The following TRDMT1 variants were observed in gnomAD, a reference collection of about 807,000 sequenced individuals.
The protein encoded by TRDMT1 is tRNA (cytosine(38)-C(5))-methyltransferase.
A neutral mutation model predicts 51.2 loss-of-function variants in TRDMT1; 49 were observed. The observed-to-expected ratio is 0.96, with a 90% CI of 0.76 to 1.21. The LOEUF (loss-of-function observed/expected upper bound fraction) is 1.21, where lower values mean the gene tolerates loss of function less well. TRDMT1 is among the 50% of genes most tolerant of loss of function. TRDMT1 has a pLI of 0.00. For missense variants in TRDMT1, 534 were observed against 462.3 expected (o/e 1.16, Z -1.42); for synonymous variants, 187 against 164.6 (o/e 1.14, Z -1.04).
chr10:17,193,594 T>A (rs571805908), intron 1 of TRDMT1, among the ~76,000 whole-genome samples: 25 of 152,116 alleles, frequency 1.6e-4, no homozygotes, highest in African/African-American at 4.8e-4. Flanking sequence ...TAGGAATACA[T>A]CTAACCAAGG....
At chr10:17,162,331 G>A in intron 3 of TRDMT1, 94 bp from the exon 4 acceptor site, 3 of 1,217,920 alleles carry the variant, frequency 2.5e-6, no homozygotes, top group South Asian at 2.8e-5. Context: ...TAAGTCAAAA[G>A]GAGAATAAAA....
At chr10:17,184,912 T>C (rs1256837196) in intron 1 of TRDMT1, among the ~76,000 whole-genome samples, 1 of 152,214 alleles carries the variant, frequency 6.6e-6, no homozygotes, top group Non-Finnish European at 1.5e-5. Flanking sequence ...GATGAAGATT[T>C]AGAATATGGA....
chr10:17,143,814 T>C lies in TRDMT1; in HGVS notation c.*5226A>G. 1.0e-6 allele frequency: 1 copy of C among 985,442 alleles called. No homozygotes were observed. The highest frequency in any genetic ancestry group is 1.2e-6 in the Non-Finnish European group (1 of 829,952). The allele number at this position is 985,442 out of a possible 1,614,324, so 61.0% of individuals were successfully genotyped here. Reference sequence around the variant, plus strand: ...TGAAGATGATCTTTGGTTATGAAGCTTGAACTTGGAAGATGTGGAGACTAA... The same window carrying C: ...TGAAGATGATCTTTGGTTATGAAGCCTGAACTTGGAAGATGTGGAGACTAA... On this transcript the variant is annotated 3_prime_UTR_variant, in exon 11 of 11. Transcript: ENST00000377799.
chr10:17,153,340 C>G, intron 10 of TRDMT1, 167 bp downstream of exon 10: 1 of 725,660 alleles, frequency 1.4e-6, no homozygotes, highest in Non-Finnish European at 2.2e-6. Flanking sequence ...CCGAATGAGG[C>G]AGTTATGAGG....
intron 1 of TRDMT1, among the ~76,000 whole-genome samples, chr10:17,196,183 G>A (rs1206766454): frequency 6.6e-6 from 1 of 152,212 alleles, no homozygotes; most frequent in Non-Finnish European, 1.5e-5. Context: ...GAGATGCTTA[G>A]CATTTTAAAA....
intron 7 of TRDMT1, among the ~76,000 whole-genome samples, chr10:17,158,015 G>C (rs1006762875): frequency 3.3e-5 from 5 of 152,046 alleles, no homozygotes; most frequent in Non-Finnish European, 7.4e-5. Flanking sequence ...AGTGTTTACA[G>C]TATTTATTAA....
chr10:17,170,930 G>T, intron 2 of TRDMT1, among the ~76,000 whole-genome samples: 1 of 151,242 alleles, frequency 6.6e-6, no homozygotes, highest in African/African-American at 2.4e-5. Flanking sequence ...GGTATTTTCC[G>T]GCATACTCAA....
rs1445786259 is a variant in TRDMT1, at chr10:17,148,538, A to T, written c.*502T>A. The T allele has an allele frequency of 1.0e-6, 1 of 984,798 alleles. No homozygotes were observed. Among genetic ancestry groups the T allele is most frequent in the African/African-American group, 1.7e-5 (1 of 57,208 alleles). The allele number at this position is 984,798 out of a possible 1,614,324, so 61.0% of individuals were successfully genotyped here. On this transcript the variant is annotated 3_prime_UTR_variant, in exon 11 of 11. Coordinates refer to ENST00000377799, the MANE Select transcript of TRDMT1 (RefSeq NM_004412.7). ...TCTGCTGTATAAACTGAATGATGAT[A>T]ATTTGGTTTACATATCATATGCATT...
chr10:17,181,484 C>T (rs554945368), intron 1 of TRDMT1, among the ~76,000 whole-genome samples: 16 of 152,254 alleles, frequency 1.1e-4, no homozygotes, highest in African/African-American at 3.4e-4. Context: ...GCTCAATAAA[C>T]GTCTATTAAT....
At chr10:17,184,484 T>G (rs572127036) in intron 1 of TRDMT1, among the ~76,000 whole-genome samples, 1 of 151,812 alleles carries the variant, frequency 6.6e-6, no homozygotes, top group Admixed American at 6.6e-5. Flanking sequence ...TCCCTAAAAT[T>G]AGCCTAAGAA....
In TRDMT1 at chr10:17,201,663, A is replaced by G; in HGVS notation, c.-29T>C. On this transcript the variant is annotated 5_prime_UTR_variant, in exon 1 of 11. Coordinates refer to ENST00000377799, the MANE Select transcript of TRDMT1 (RefSeq NM_004412.7). ...CGCGCCTCAGCCGCCGCAGCCCCGG[A>G]GCTAGGCCTGCCGGTCCGTCGCTCC... is the stretch of plus-strand genomic sequence containing the variant. The G allele has an allele frequency of 3.3e-6, 5 of 1,532,764 alleles. No homozygotes were observed. The highest frequency in any genetic ancestry group is 3.5e-6 in the Non-Finnish European group (4 of 1,139,810). The allele number at this position is 1,532,764 out of a possible 1,614,324, so 94.9% of individuals were successfully genotyped here.
chr10:17,169,597 T>C (rs2131487963), intron 2 of TRDMT1: 1 of 1,135,994 alleles, frequency 8.8e-7, no homozygotes, highest in East Asian at 5.8e-5. Flanking sequence ...CAACTCACAT[T>C]AAGCACTCTC....
At chr10:17,150,076 G>C (rs751089213) in intron 10 of TRDMT1, among the ~76,000 whole-genome samples, 2 of 152,076 alleles carry the variant, frequency 1.3e-5, no homozygotes, top group Non-Finnish European at 2.9e-5. Flanking sequence ...CAAAGCAGCT[G>C]CACCATTTCA....
At chr10:17,181,460 G>T (rs1024282040) in intron 1 of TRDMT1, among the ~76,000 whole-genome samples, 3 of 152,084 alleles carry the variant, frequency 2.0e-5, no homozygotes, top group Admixed American at 6.5e-5. Context: ...TGCAGTAATT[G>T]GCACAGAATA....
In TRDMT1 at chr10:17,145,468, T is replaced by A. The variant is rs1838027501; in HGVS notation, c.*3572A>T. The A allele has an allele frequency of 1.0e-6, 1 of 985,286 alleles. No homozygotes were observed. The highest frequency in any genetic ancestry group is 6.2e-5 in the Admixed American group (1 of 16,256). 61.0% of individuals were successfully genotyped at this position (985,286 alleles called of 1,614,324 possible). Reference sequence around the variant, plus strand: ...GGCCATGTCTTTAAAAATTATATAATCTCAATGCAATCACAGGCTACAAGA... The same window carrying A: ...GGCCATGTCTTTAAAAATTATATAAACTCAATGCAATCACAGGCTACAAGA... On this transcript the variant is annotated 3_prime_UTR_variant, in exon 11 of 11. Coordinates refer to ENST00000377799, the MANE Select transcript of TRDMT1 (RefSeq NM_004412.7).
rs112107543 is a variant in TRDMT1 at position 17,161,604 on chromosome 10, T to A, written c.324-56A>T. The A allele has an allele frequency of 1.1e-4, 26 of 234,022 alleles. No homozygotes were observed. The highest frequency in any genetic ancestry group is 2.7e-4 in the South Asian group (2 of 7,456). The allele number at this position is 234,022 out of a possible 1,614,324, so 14.5% of individuals were successfully genotyped here. On this transcript the variant is annotated intron_variant, in intron 4 of 10. Transcript: ENST00000377799. ...ATATCTCATTACTAAGAAGAAAAAG[T>A]AAAGAAAATCATTACTTGTGGGAAA...
At position 17,147,745 on chromosome 10, in the gene TRDMT1, G is replaced by C. The variant is rs11254403; in HGVS notation, c.*1295C>G. 0.14 allele frequency: 21,614 copies of C among 156,606 alleles called. 1,599 individuals are homozygous for C. Among genetic ancestry groups the C allele is most frequent in the Admixed American group, 0.17 (2,596 of 15,276 alleles). 9.7% of individuals were successfully genotyped at this position (156,606 alleles called of 1,614,324 possible). A position where few individuals can be genotyped will look rare whatever the true frequency, so the allele number is the denominator to read the frequency against. ...GACACTTGGGCTGCTTCTACCTTTT[G>C]GCTACTGTAAATAATGGTGTTATAA... On this transcript the variant is annotated 3_prime_UTR_variant, in exon 11 of 11. Coordinates refer to ENST00000377799, the MANE Select transcript of TRDMT1 (RefSeq NM_004412.7).
In TRDMT1 at chr10:17,149,081, C is replaced by G. The variant is rs777285923; in HGVS notation, c.1135G>C (p.Val379Leu). 2 of 1,611,428 alleles carry G rather than the reference C, an allele frequency of 1.2e-6. No homozygotes were observed. Among genetic ancestry groups the G allele is most frequent in the South Asian group, 1.1e-5 (1 of 90,842 alleles). Reference sequence around the variant, plus strand: ...TTGATTAGTTTAGCTACTACATGCACGTTGAGACTATTTCCAAGTAGGCGA... The same window carrying G: ...TTGATTAGTTTAGCTACTACATGCAGGTTGAGACTATTTCCAAGTAGGCGA... ...RYRLLGNSLN[V>L]HVVAKLIKIL... The change falls in exon 11 of 11, where the codon GTG (valine) becomes CTG (leucine). Residue 379 changes from valine to leucine, a missense_variant. Physicochemically the swap from Val to Leu is conservative, Grantham distance 32. Transcript: ENST00000377799.
chr10:17,201,475 G>GCCCCACAGTGTCCT, intron 1 of TRDMT1, 96 bp downstream of exon 1: 13 of 1,324,946 alleles, frequency 9.8e-6, no homozygotes, highest in African/African-American at 1.5e-5. Context: ...CACAGTGTCC[G>GCCCCACAGTGTCCT]CCCCTTGCGT....
Sources: gnomAD v4.1 joint callset for allele counts (sites outside exome capture counted in the v4.1 genomes callset) on GRCh38, gnomAD v4.1.1 for gene constraint, MANE v1.5 for transcripts, NCBI Gene and HGNC (gene_info 2026-07-23, HGNC 2026-07-21) for gene names.